PAPOLG: variants seen among roughly 807,000 people sequenced by gnomAD.
PAPOLG encodes PAP-gamma.
A neutral mutation model predicts 99.0 loss-of-function variants in PAPOLG; 40 were observed. The ratio of observed to expected loss-of-function variants is 0.40; its 90% confidence interval spans 0.31 to 0.53. The LOEUF is 0.53. Among genes scored for constraint, PAPOLG ranks in the 20% least tolerant of loss-of-function variants. The pLI is 0.41. For missense variants in PAPOLG, 675 were observed against 884.1 expected (o/e 0.76, Z 3.00); for synonymous variants, 310 against 299.3 (o/e 1.04, Z -0.37).
intron 1 of PAPOLG, among the ~76,000 whole-genome samples, chr2:60,758,651 A>G (rs534015242): frequency 1.3e-5 from 2 of 151,994 alleles, no homozygotes; most frequent in East Asian, 3.9e-4. Flanking sequence ...CTGATCTTGA[A>G]CTTCTGACCT....
chr2:60,790,538 T>TTG (rs1437301874), intron 15 of PAPOLG, among the ~76,000 whole-genome samples: 1 of 152,162 alleles, frequency 6.6e-6, no homozygotes, highest in African/African-American at 2.4e-5. Flanking sequence ...ATTAAGACAT[T>TTG]TGTGTGTGAG....
rs528855447 is a variant in PAPOLG at position 60,792,421 on chromosome 2, A to G, written c.1679+132A>G. 5.3e-5 allele frequency: 47 copies of G among 885,446 alleles called. 1 individual carries two copies. The South Asian group carries it at 6.3e-4, about 12-fold the overall frequency. The allele number at this position is 885,446 out of a possible 1,614,324, so 54.8% of individuals were successfully genotyped here. A position where few individuals can be genotyped will look rare whatever the true frequency, so the allele number is the denominator to read the frequency against. On this transcript the variant is annotated intron_variant, in intron 17 of 21. Coordinates refer to ENST00000238714, the MANE Select transcript of PAPOLG (RefSeq NM_022894.4). ...ATTTCATTTTACTGGCTGCTGGTCA[A>G]TTTCTTGCTTAGAAATAACTCGTGG... is the stretch of plus-strand genomic sequence containing the variant.
intron 7 of PAPOLG, among the ~76,000 whole-genome samples, chr2:60,772,220 G>T (rs1670874434): frequency 6.6e-6 from 1 of 152,054 alleles, no homozygotes; most frequent in South Asian, 2.1e-4. Context: ...AAGGTGAATG[G>T]ATTACTTGAG....
At position 60,782,111 on chromosome 2, in the gene PAPOLG, T is replaced by C. The variant is rs539835489; in HGVS notation, c.1027+106T>C. 6 of 1,164,702 alleles carry C rather than the reference T, an allele frequency of 5.2e-6. No individual in the cohort carries two copies. In the Admixed American group the frequency reaches 6.7e-5, roughly 13 times the overall value. 72.1% of individuals were successfully genotyped at this position (1,164,702 alleles called of 1,614,324 possible). The stretch of plus-strand genomic sequence containing the variant: ...TTGGCAGTTAGAGTTATACCTATTC[T>C]TTCTAAAAATTCTTTCAAGTATGGT... On this transcript the variant is annotated intron_variant, in intron 11 of 21. Transcript: ENST00000238714.
rs928518815 is a variant in PAPOLG, at chr2:60,780,575, C to CT, written c.834-125dup. The CT allele has an allele frequency of 1.4e-5, 13 of 916,624 alleles. No homozygotes were observed. The Admixed American group carries it at 2.2e-4, about 15-fold the overall frequency. 56.8% of individuals were successfully genotyped at this position (916,624 alleles called of 1,614,324 possible). On this transcript the variant is annotated intron_variant, in intron 9 of 21. Transcript: ENST00000238714. ...ACAGGCATGAGCCACCATGCTCGGC[C>CT]TTTTTTTCCTTTAATACCAAATACC... is the stretch of plus-strand genomic sequence containing the variant.
chr2:60,767,076 T>C (rs1670698493), intron 3 of PAPOLG, among the ~76,000 whole-genome samples: 1 of 151,720 alleles, frequency 6.6e-6, no homozygotes. Context: ...ATTAGGGGAG[T>C]AGTCGTTGAA....
Position 60,801,123 on chromosome 2 carries a change from A to G in PAPOLG, c.*3963A>G, listed in dbSNP as rs1250192599. 2.0e-5 allele frequency: 3 copies of G among 152,324 alleles called. No homozygotes were observed. Among genetic ancestry groups the G allele is most frequent in the Non-Finnish European group, 4.4e-5 (3 of 68,030 alleles). 9.4% of individuals were successfully genotyped at this position (152,324 alleles called of 1,614,324 possible). A position where few individuals can be genotyped will look rare whatever the true frequency, so the allele number is the denominator to read the frequency against. On this transcript the variant is annotated 3_prime_UTR_variant, in exon 22 of 22. Coordinates refer to ENST00000238714, the MANE Select transcript of PAPOLG (RefSeq NM_022894.4). ...TTAGAATGATCATTAGAAATGGTAG[A>G]AAATAGAATAAATCATTAAAGATCC... is the stretch of plus-strand genomic sequence containing the variant.
chr2:60,782,944 C>T (rs1386790967), intron 12 of PAPOLG, among the ~76,000 whole-genome samples, 174 bp downstream of exon 12: 2 of 151,772 alleles, frequency 1.3e-5, no homozygotes, highest in African/African-American at 4.8e-5. Context: ...GTATCTAATC[C>T]AGTATTAGTG....
At chr2:60,759,873 T>C (rs1670471854) in intron 1 of PAPOLG, among the ~76,000 whole-genome samples, 1 of 152,198 alleles carries the variant, frequency 6.6e-6, no homozygotes, top group Admixed American at 6.5e-5. Context: ...GTTGGTACAA[T>C]TGTCTTGATG....
intron 11 of PAPOLG, 106 bp from the exon 12 acceptor site, chr2:60,782,580 G>A (rs995907467): frequency 1.6e-5 from 22 of 1,343,092 alleles, no homozygotes; most frequent in African/African-American, 8.0e-5. Flanking sequence ...AAAAAATTTC[G>A]TCTGGTGGAG....
chr2:60,781,338 C>T (rs1470661333), intron 10 of PAPOLG, among the ~76,000 whole-genome samples: 2 of 150,354 alleles, frequency 1.3e-5, no homozygotes, highest in African/African-American at 4.9e-5. Context: ...GCCTGGGTGA[C>T]GAGTTGAGAC....
At chr2:60,767,990 C>G (rs1472561928) in intron 3 of PAPOLG, among the ~76,000 whole-genome samples, 1 of 152,176 alleles carries the variant, frequency 6.6e-6, no homozygotes, top group African/African-American at 2.4e-5. Flanking sequence ...CTTATTACTT[C>G]AGATCACAAC....
At chr2:60,760,068 A>T (rs955661253) in intron 1 of PAPOLG, 66 bp from the exon 2 acceptor site, 18 of 1,457,966 alleles carry the variant, frequency 1.2e-5, no homozygotes, top group Non-Finnish European at 1.7e-5. Context: ...AGATTGAGAG[A>T]TTCAGTGTAT....
chr2:60,756,715 G>C (rs1159764681), intron 1 of PAPOLG, among the ~76,000 whole-genome samples: 2 of 152,152 alleles, frequency 1.3e-5, no homozygotes, highest in African/African-American at 4.8e-5. Context: ...GGAGTCCCCA[G>C]CTGTCCCGCC....
intron 1 of PAPOLG, among the ~76,000 whole-genome samples, chr2:60,758,643 G>A (rs752242235): frequency 2.6e-5 from 4 of 152,038 alleles, no homozygotes; most frequent in Non-Finnish European, 4.4e-5. Flanking sequence ...TGGCCAGGCT[G>A]ATCTTGAACT....
At position 60,782,065 on chromosome 2, in the gene PAPOLG, A is replaced by T. The variant is rs1671205701; in HGVS notation, c.1027+60A>T. ...CCACAAGTTTTTGGTTAACAGTTTT[A>T]TTCTCTGTTGCAGCTATGGATTGGC... On this transcript the variant is annotated intron_variant, in intron 11 of 21. Transcript: ENST00000238714. 5.9e-6 allele frequency: 9 copies of T among 1,523,094 alleles called. No individual in the cohort carries two copies. The Admixed American group carries it at 1.5e-4, about 26-fold the overall frequency. 94.3% of individuals were successfully genotyped at this position (1,523,094 alleles called of 1,614,324 possible).
Position 60,781,804 on chromosome 2 carries a change from A to T in PAPOLG, c.907-81A>T, listed in dbSNP as rs1671197693. ...ATGTAGTATTAAATTTATATTTCATATTCTTCAGACTTTTGGGGAAATGAA... is the reference window on the plus strand; with the variant it reads ...ATGTAGTATTAAATTTATATTTCATTTTCTTCAGACTTTTGGGGAAATGAA... On this transcript the variant is annotated intron_variant, in intron 10 of 21. Transcript: ENST00000238714. The T allele has an allele frequency of 7.7e-6, 12 of 1,561,398 alleles. No homozygotes were observed. The Admixed American group carries it at 1.8e-4, about 23-fold the overall frequency.
intron 1 of PAPOLG, among the ~76,000 whole-genome samples, 167 bp downstream of exon 1, chr2:60,756,662 C>G (rs1490598153): frequency 6.6e-6 from 1 of 152,104 alleles, no homozygotes; most frequent in South Asian, 2.1e-4. Flanking sequence ...CCCCTAAACC[C>G]GGCGGCTCAC....
rs75239315 is a variant in PAPOLG at position 60,768,533 on chromosome 2, C to T, written c.310C>T (p.Leu104Phe). 1 of 1,609,386 alleles carries T rather than the reference C, an allele frequency of 6.2e-7. No homozygotes were observed. The highest frequency in any genetic ancestry group is 1.3e-5 in the African/African-American group (1 of 74,798). The part of the protein sequence containing the change: ...GKIFTFGSYR[L>F]GVHTKGADID... The stretch of plus-strand genomic sequence containing the variant: ...AATTTTCACATTTGGATCCTATAGG[C>T]TTGGAGTACACACCAAAGGTAACTG... Residue 104 changes from leucine (L) to phenylalanine (F), a missense_variant, in exon 4 of 22, where the codon CTT becomes TTT. Around this residue, in one of 3 missense-constraint regions of PAPOLG, gnomAD observed 149 missense variants for 192.1 expected, o/e 0.78. Transcript: ENST00000238714.
Sources: allele counts gnomAD v4.1 joint callset (sites outside exome capture counted in the v4.1 genomes callset), GRCh38; gene constraint gnomAD v4.1.1; regional missense constraint gnomAD v4.1.1; transcripts MANE v1.5; gene names NCBI Gene and HGNC (gene_info 2026-07-23, HGNC 2026-07-21).